Variants in ZBTB16 observed in about 807,000 individuals in gnomAD.
ZBTB16 encodes zinc finger and BTB domain-containing protein 16.
In ZBTB16, 8 loss-of-function variants were observed where a neutral mutation model predicts 56.8. That is an observed-to-expected ratio of 0.14 (90% CI 0.08 to 0.25). The LOEUF (loss-of-function observed/expected upper bound fraction) is 0.25. Among genes scored for constraint, ZBTB16 ranks in the 10% least tolerant of loss-of-function variants. The pLI is 1.00. For missense variants in ZBTB16, 625 were observed against 903.0 expected (o/e 0.69, Z 3.95); for synonymous variants, 363 against 368.5 (o/e 0.98, Z 0.17).
At chr11:114,149,300 C>A (rs567491021) in intron 2 of ZBTB16, among the ~76,000 whole-genome samples, 1 of 152,296 alleles carries the variant, frequency 6.6e-6, no homozygotes, top group South Asian at 2.1e-4. Flanking sequence ...CACATATATA[C>A]ATGGTCAATA....
intron 2 of ZBTB16, among the ~76,000 whole-genome samples, chr11:114,120,671 G>A (rs141204827): frequency 1.2e-4 from 19 of 152,276 alleles, no homozygotes; most frequent in Admixed American, 2.6e-4. Context: ...CTTTCTCTGC[G>A]TGTCTTCGGA....
At chr11:114,118,945 CA>C (rs915138076) in intron 2 of ZBTB16, among the ~76,000 whole-genome samples, 1 of 152,016 alleles carries the variant, frequency 6.6e-6, no homozygotes, top group Non-Finnish European at 1.5e-5. Flanking sequence ...TTCAGGTTGA[CA>C]TTTCAGGTTG....
chr11:114,074,791 G>A (rs1004837917), intron 2 of ZBTB16, among the ~76,000 whole-genome samples: 4 of 152,242 alleles, frequency 2.6e-5, no homozygotes, highest in Admixed American at 6.5e-5. Flanking sequence ...AAAGGTCCGC[G>A]GCCCTGACCC....
At chr11:114,190,176 C>T (rs750202711) in intron 4 of ZBTB16, among the ~76,000 whole-genome samples, 2 of 152,084 alleles carry the variant, frequency 1.3e-5, no homozygotes, top group African/African-American at 2.4e-5. Context: ...AAATTGAGAG[C>T]GACTGCCGAT....
rs369922652 is a variant in ZBTB16 at position 114,249,734 on chromosome 11, C to T, written c.1793-592C>T. On this transcript the variant is annotated intron_variant, in intron 6 of 6. Coordinates refer to ENST00000335953, the MANE Select transcript of ZBTB16 (RefSeq NM_006006.6). ...GAGCCGAGATTGCGCCACTGCAGTC[C>T]GCAGTCTGGCCTGGGCGACACAGCG... 1.6e-4 allele frequency among the ~76,000 whole-genome samples: 21 copies of T among 131,704 alleles called. 3 individuals are homozygous for T. Among genetic ancestry groups the T allele is most frequent in the East Asian group, 1.2e-3 (5 of 4,194 alleles). The allele number at this position is 131,704 out of a possible 152,430, so 86.4% of individuals were successfully genotyped here. A position where few individuals can be genotyped will look rare whatever the true frequency, so the allele number is the denominator to read the frequency against.
chr11:114,186,675 G>A (rs1328930723), intron 3 of ZBTB16, among the ~76,000 whole-genome samples: 1 of 152,070 alleles, frequency 6.6e-6, no homozygotes. Flanking sequence ...CCTTCTTCTT[G>A]AGGTATCTAA....
At position 114,160,554 on chromosome 11, in the gene ZBTB16, T is replaced by C. The variant is rs117085164; in HGVS notation, c.1366+4120T>C. ...TAAATCAGTTTTCATTGTGTTGAAA[T>C]TGACAATTTGTTTAATTAGAAGTTT... On this transcript the variant is annotated intron_variant, in intron 3 of 6. Coordinates refer to ENST00000335953, the MANE Select transcript of ZBTB16 (RefSeq NM_006006.6). 2.8e-4 allele frequency among the ~76,000 whole-genome samples: 43 copies of C among 152,312 alleles called. 2 individuals carry two copies. The East Asian group carries it at 7.9e-3, about 28-fold the overall frequency.
rs114645272 is a variant in ZBTB16 at position 114,118,629 on chromosome 11, G to A, written c.1269-37708G>A. 9.5e-3 allele frequency among the ~76,000 whole-genome samples: 1,443 copies of A among 152,260 alleles called. 19 individuals carry two copies. The highest frequency in any genetic ancestry group is 0.033 in the African/African-American group (1,364 of 41,524). The stretch of plus-strand genomic sequence containing the variant: ...TATCTATTATGGAATCTTAGCACTT[G>A]GGGATCACACAATTTGTTATCTTTC... On this transcript the variant is annotated intron_variant, in intron 2 of 6. Transcript: ENST00000335953.
At chr11:114,245,350 A>G (rs1944793463) in intron 5 of ZBTB16, among the ~76,000 whole-genome samples, 1 of 152,230 alleles carries the variant, frequency 6.6e-6, no homozygotes, top group African/African-American at 2.4e-5. Context: ...GTGTCAAGGC[A>G]CGATGCCACT....
chr11:114,202,358 C>T lies in ZBTB16; in HGVS notation c.1453+15320C>T, dbSNP rs77186017. On this transcript the variant is annotated intron_variant, in intron 4 of 6. Coordinates refer to ENST00000335953, the MANE Select transcript of ZBTB16 (RefSeq NM_006006.6). ...ATACAAAACTGCCCTCGAGAAATAACGGGGTGTTTGCTCCCTGTTCCCATG... is the reference window on the plus strand; with the variant it reads ...ATACAAAACTGCCCTCGAGAAATAATGGGGTGTTTGCTCCCTGTTCCCATG... Among the ~76,000 whole-genome samples, 917 of 152,238 alleles carry T rather than the reference C, an allele frequency of 6.0e-3. 6 individuals are homozygous for T. The highest frequency in any genetic ancestry group is 0.02 in the African/African-American group (848 of 41,532).
At chr11:114,241,690 A>G (rs1223880630) in intron 4 of ZBTB16, among the ~76,000 whole-genome samples, 2 of 152,164 alleles carry the variant, frequency 1.3e-5, no homozygotes, top group East Asian at 3.8e-4. Context: ...TCCTTGTCTA[A>G]GGGATGAGGA....
At chr11:114,242,534 CAA>C (rs1003716297) in intron 5 of ZBTB16, among the ~76,000 whole-genome samples, 197 bp downstream of exon 5, 1 of 152,220 alleles carries the variant, frequency 6.6e-6, no homozygotes, top group Admixed American at 6.5e-5. Flanking sequence ...ACCGTCGGTT[CAA>C]AGTCTTTCCG....
chr11:114,246,015 C>T (rs1044965772), intron 5 of ZBTB16, among the ~76,000 whole-genome samples: 1 of 152,186 alleles, frequency 6.6e-6, no homozygotes, highest in Non-Finnish European at 1.5e-5. Context: ...TTTCATCCCC[C>T]AAGCCCCCCA....
At chr11:114,139,857 G>C (rs1164555903) in intron 2 of ZBTB16, among the ~76,000 whole-genome samples, 1 of 152,184 alleles carries the variant, frequency 6.6e-6, no homozygotes, top group African/African-American at 2.4e-5. Context: ...GGCCGGGGGA[G>C]CAAGTGGCTG....
chr11:114,133,232 G>A (rs117099802), intron 2 of ZBTB16, among the ~76,000 whole-genome samples: 1 of 152,002 alleles, frequency 6.6e-6, no homozygotes, highest in Non-Finnish European at 1.5e-5. Flanking sequence ...AAATGTGGGG[G>A]GTGCAGTTTT....
intron 2 of ZBTB16, among the ~76,000 whole-genome samples, chr11:114,118,132 C>A (rs75038617): frequency 2.0e-5 from 3 of 152,156 alleles, no homozygotes; most frequent in Non-Finnish European, 4.4e-5. Flanking sequence ...TGATTACTTT[C>A]TAAAATCCAC....
At chr11:114,181,490 A>G (rs1943249004) in intron 3 of ZBTB16, among the ~76,000 whole-genome samples, 1 of 152,236 alleles carries the variant, frequency 6.6e-6, no homozygotes, top group African/African-American at 2.4e-5. Flanking sequence ...AATGGCACCA[A>G]GGACCTCTGC....
At chr11:114,235,704 T>C (rs1296397252) in intron 4 of ZBTB16, among the ~76,000 whole-genome samples, 5 of 118,794 alleles carry the variant, frequency 4.2e-5, no homozygotes, top group African/African-American at 1.3e-4. Context: ...TCTTTCTTTC[T>C]TTTCTTTCTT....
At chr11:114,070,094 C>CTTTT (rs4020465) in intron 2 of ZBTB16, among the ~76,000 whole-genome samples, 19 of 75,952 alleles carry the variant, frequency 2.5e-4, no homozygotes, top group African/African-American at 8.1e-4. Context: ...GAGTACCTTT[C>CTTTT]TTTTTTTTTT....
Sources: allele counts gnomAD v4.1 joint callset (sites outside exome capture counted in the v4.1 genomes callset), GRCh38; gene constraint gnomAD v4.1.1; transcripts MANE v1.5; gene names NCBI Gene and HGNC (gene_info 2026-07-23, HGNC 2026-07-21).